The following COL23A1 variants were observed in gnomAD, a reference collection of about 807,000 sequenced individuals.
The protein encoded by COL23A1 is collagen type XXIII alpha 1 chain, also known as collagen alpha-1(XXIII) chain.
Under a neutral mutation model 99.3 loss-of-function variants are expected in COL23A1, and 97 were observed. That is an observed-to-expected ratio of 0.98 (90% CI 0.83 to 1.16). COL23A1 has a LOEUF of 1.16. Ranked by LOEUF, COL23A1 falls within the 50% of genes most tolerant of loss-of-function variation. The probability of loss-of-function intolerance (pLI) is 0.00; values close to 1 mark genes in which losing one functional copy is unlikely to be tolerated. For missense variants in COL23A1, 762 were observed against 757.4 expected, an observed-to-expected ratio of 1.01 and a Z score of -0.07; for synonymous variants, 320 against 308.2, an observed-to-expected ratio of 1.04 and a Z score of -0.40.
At chr5:178,475,456 C>A (rs1562004917) in intron 2 of COL23A1, among the ~76,000 whole-genome samples, 2 of 152,142 alleles carry the variant, frequency 1.3e-5, no homozygotes, top group Admixed American at 1.3e-4. Context: ...AGGTGCTGAG[C>A]CCCTGTGCCT....
intron 2 of COL23A1, among the ~76,000 whole-genome samples, chr5:178,509,473 G>T (rs917856580): frequency 6.6e-6 from 1 of 151,926 alleles, no homozygotes; most frequent in African/African-American, 2.4e-5. Context: ...CATCCGCCTC[G>T]GCCTCCCAAA....
intron 2 of COL23A1, among the ~76,000 whole-genome samples, chr5:178,512,293 G>T (rs998601861): frequency 2.0e-5 from 3 of 152,186 alleles, no homozygotes; most frequent in African/African-American, 4.8e-5. Context: ...GATATCTTGT[G>T]CAATAATGTT....
chr5:178,559,221 C>A (rs976997706), intron 2 of COL23A1, among the ~76,000 whole-genome samples: 1 of 152,240 alleles, frequency 6.6e-6, no homozygotes, highest in African/African-American at 2.4e-5. Context: ...ACCTGGCCCT[C>A]AGAGACGGAA....
intron 2 of COL23A1, among the ~76,000 whole-genome samples, chr5:178,479,908 C>T (rs909688361): frequency 2.6e-4 from 40 of 152,234 alleles, no homozygotes; most frequent in African/African-American, 8.2e-4. Flanking sequence ...CTAGATGGGG[C>T]GGCCTACTGC....
Position 178,559,664 on chromosome 5 carries a change from C to T in COL23A1, c.361+1018G>A, listed in dbSNP as rs185516654. 2.6e-3 allele frequency among the ~76,000 whole-genome samples: 369 copies of T among 142,498 alleles called. 1 individual carries two copies. The highest frequency in any genetic ancestry group is 9.5e-3 in the African/African-American group (344 of 36,350). 93.5% of individuals were successfully genotyped at this position (142,498 alleles called of 152,430 possible). On this transcript the variant is annotated intron_variant, in intron 2 of 28. Coordinates refer to ENST00000390654, the MANE Select transcript of COL23A1 (RefSeq NM_173465.4). ...CCTGCACGTCGAGAAGTCTGAGACA[C>T]ATCATCCAAAAGTCACCTTTCCCTG...
intron 2 of COL23A1, among the ~76,000 whole-genome samples, chr5:178,320,720 G>A (rs1381954485): frequency 6.6e-6 from 1 of 152,256 alleles, no homozygotes; most frequent in Non-Finnish European, 1.5e-5. Context: ...CCCAGGGCCA[G>A]GGCTGAGGCC....
At chr5:178,571,925 G>A (rs372854491) in intron 1 of COL23A1, among the ~76,000 whole-genome samples, 5 of 152,168 alleles carry the variant, frequency 3.3e-5, no homozygotes, top group South Asian at 2.1e-4. Flanking sequence ...AAAACTAGCT[G>A]GGTGTGGTGG....
At chr5:178,411,574 A>C (rs773742076) in intron 2 of COL23A1, among the ~76,000 whole-genome samples, 4 of 152,238 alleles carry the variant, frequency 2.6e-5, no homozygotes, top group Non-Finnish European at 5.9e-5. Context: ...AATATACAGA[A>C]TATATAAAGC....
chr5:178,438,121 C>T (rs907833172), intron 2 of COL23A1, among the ~76,000 whole-genome samples: 1 of 152,248 alleles, frequency 6.6e-6, no homozygotes, highest in Non-Finnish European at 1.5e-5. Context: ...AGATCCTCTG[C>T]TGTGGTCCAA....
At chr5:178,464,909 C>T (rs934602272) in intron 2 of COL23A1, among the ~76,000 whole-genome samples, 3 of 152,166 alleles carry the variant, frequency 2.0e-5, no homozygotes, top group African/African-American at 2.4e-5. Context: ...TGTGCTTGAA[C>T]GGAAGTCTTC....
intron 5 of COL23A1, among the ~76,000 whole-genome samples, chr5:178,284,095 A>C (rs1374864178): frequency 6.6e-6 from 1 of 152,228 alleles, no homozygotes; most frequent in Non-Finnish European, 1.5e-5. Flanking sequence ...TGCCGTGCCT[A>C]GGGCTCCTCT....
chr5:178,380,603 GT>G (rs1763327140), intron 2 of COL23A1, among the ~76,000 whole-genome samples: 3 of 152,178 alleles, frequency 2.0e-5, no homozygotes, highest in Non-Finnish European at 2.9e-5. Context: ...ACGTGGAAAT[GT>G]TTTTCAACGT....
At chr5:178,479,714 GA>G (rs914947036) in intron 2 of COL23A1, among the ~76,000 whole-genome samples, 5 of 151,646 alleles carry the variant, frequency 3.3e-5, no homozygotes, top group Non-Finnish European at 5.9e-5. Context: ...ATGCAGGAAG[GA>G]AAAAAAAGCC....
chr5:178,471,221 G>C (rs1470817174), intron 2 of COL23A1, among the ~76,000 whole-genome samples: 2 of 148,670 alleles, frequency 1.3e-5, no homozygotes, highest in African/African-American at 4.9e-5. Context: ...TATCACCCCT[G>C]AGTAATCATG....
intron 2 of COL23A1, among the ~76,000 whole-genome samples, chr5:178,319,649 G>A (rs1421961259): frequency 3.9e-5 from 6 of 152,186 alleles, no homozygotes; most frequent in East Asian, 1.9e-4. Flanking sequence ...GGGAACTCTC[G>A]GGGTTCCTCG....
At chr5:178,398,022 G>A (rs1365725423) in intron 2 of COL23A1, among the ~76,000 whole-genome samples, 5 of 152,114 alleles carry the variant, frequency 3.3e-5, no homozygotes, top group African/African-American at 4.8e-5. Context: ...TGAAGTTGAT[G>A]TGAGTGATGC....
In COL23A1 at chr5:178,310,626, CG is replaced by C. The variant is rs1001348163; in HGVS notation, c.362-3708del. Among the ~76,000 whole-genome samples the C allele has an allele frequency of 1.3e-5, 2 of 152,016 alleles. No homozygotes were observed. The highest frequency in any genetic ancestry group is 4.8e-5 in the African/African-American group (2 of 41,406). On this transcript the variant is annotated intron_variant, in intron 2 of 28. Transcript: ENST00000390654. This position sits in a 1 kb window ranked among gnomAD's most constrained non-coding sequence, Gnocchi z 4.3. ...AGTTGTGTCCCATATGCTGAGCTAC[CG>C]GGCAGGCGGCCTTGGCGACCAGGGA...
chr5:178,357,436 G>A (rs1196017758), intron 2 of COL23A1, among the ~76,000 whole-genome samples: 1 of 152,248 alleles, frequency 6.6e-6, no homozygotes, highest in Non-Finnish European at 1.5e-5. Context: ...GGCCGGGCAT[G>A]CAGGCTCTTG....
intron 19 of COL23A1, among the ~76,000 whole-genome samples, chr5:178,248,711 G>A (rs1016818294): frequency 1.3e-5 from 2 of 152,210 alleles, no homozygotes; most frequent in African/African-American, 2.4e-5. Context: ...CTTGAGGGAG[G>A]GGAATGATCA....
Sources: gnomAD v4.1 joint callset for allele counts (sites outside exome capture counted in the v4.1 genomes callset) on GRCh38, gnomAD v4.1.1 for gene constraint, Gnocchi (gnomAD v3.1) non-coding constraint, MANE v1.5 for transcripts, NCBI Gene and HGNC (gene_info 2026-07-23, HGNC 2026-07-21) for gene names.